ZC3H12B: variants seen among roughly 807,000 people sequenced by gnomAD.
The protein encoded by ZC3H12B is zinc finger CCCH-type containing 12B, also known as probable ribonuclease ZC3H12B.
In ZC3H12B, 7 loss-of-function variants were observed where a neutral mutation model predicts 43.9. The observed-to-expected ratio is 0.16, with a 90% CI of 0.09 to 0.30. ZC3H12B has a LOEUF of 0.30. ZC3H12B is among the 10% of genes least tolerant of loss of function. The probability of loss-of-function intolerance (pLI) is 1.00; values close to 1 mark genes in which losing one functional copy is unlikely to be tolerated. For synonymous variants in ZC3H12B, 222 were observed against 241.7 expected (o/e 0.92, Z 0.76); for missense variants, 475 against 670.2 (o/e 0.71, Z 3.22).
At chrX:65,418,423 C>G (rs1190067285) in intron 3 of ZC3H12B, among the ~76,000 whole-genome samples, 1 of 111,622 alleles carries the variant, frequency 9.0e-6, no homozygotes, top group East Asian at 2.8e-4. Flanking sequence ...TGTCACTACT[C>G]TTCTCTGTAG....
At chrX:65,373,858 C>T (rs1190650656) in intron 2 of ZC3H12B, among the ~76,000 whole-genome samples, 13 of 46,374 alleles carry the variant, frequency 2.8e-4, no homozygotes, top group East Asian at 8.3e-4. Context: ...CAAACCTACG[C>T]GTTCTGCACA....
At chrX:65,226,152 G>T in the ZC3H12B span, among the ~76,000 whole-genome samples, 1 of 112,004 alleles carries the variant, frequency 8.9e-6, no homozygotes, top group Non-Finnish European at 1.9e-5. Context: ...ACAAAGGGAA[G>T]CCCATCAGAC....
chrX:65,226,956 A>C, the ZC3H12B span, among the ~76,000 whole-genome samples: 2 of 111,262 alleles, frequency 1.8e-5, no homozygotes, highest in African/African-American at 6.5e-5. Context: ...CCCCACTCTC[A>C]ACATTACACA....
the ZC3H12B span, chrX:65,186,420 A>C: frequency 1.9e-5 from 2 of 106,299 alleles, no homozygotes; most frequent in African/African-American, 6.9e-5. Flanking sequence ...TGAACCCAGG[A>C]GGCCAGAGTT....
At chrX:65,278,512 T>C in the ZC3H12B span, among the ~76,000 whole-genome samples, 1 of 111,980 alleles carries the variant, frequency 8.9e-6, no homozygotes, top group Non-Finnish European at 1.9e-5. Flanking sequence ...TTTTTATTCC[T>C]TTACTTTTTT....
chrX:65,461,596 A>C (rs1303493033), intron 3 of ZC3H12B, among the ~76,000 whole-genome samples: 2 of 111,867 alleles, frequency 1.8e-5, no homozygotes, highest in Non-Finnish European at 3.8e-5. Context: ...GCAATCTATC[A>C]CAAGGACAAA....
the ZC3H12B span, among the ~76,000 whole-genome samples, chrX:65,052,518 G>GA: frequency 9.1e-6 from 1 of 110,463 alleles, no homozygotes; most frequent in African/African-American, 3.3e-5. Context: ...ACAAATAAGT[G>GA]AAAAAATGTT....
At chrX:65,488,684 A>T (rs1203106549), upstream of ZC3H12B, 4 of 932,255 alleles carry the variant, frequency 4.3e-6, no homozygotes, top group East Asian at 1.4e-4. Context: ...CACACAGTCA[A>T]ACTCTTGCAC....
intron 2 of ZC3H12B, among the ~76,000 whole-genome samples, chrX:65,386,131 CTT>C (rs762011230): frequency 1.8e-4 from 20 of 111,818 alleles, no homozygotes; most frequent in Non-Finnish European, 3.4e-4. Context: ...CTCTGCCAGA[CTT>C]TGGTAATCAG....
At chrX:65,452,283 C>A (rs1484730267) in intron 3 of ZC3H12B, among the ~76,000 whole-genome samples, 1 of 111,244 alleles carries the variant, frequency 9.0e-6, no homozygotes, top group Non-Finnish European at 1.9e-5. Flanking sequence ...CTAGAAAACC[C>A]TAAAGACACC....
chrX:65,194,060 G>C, the ZC3H12B span, among the ~76,000 whole-genome samples: 10,886 of 109,067 alleles, frequency 0.1, 633 homozygotes, highest in Non-Finnish European at 0.16. Flanking sequence ...CACGAGAGCA[G>C]TGGCACGGGG....
chrX:65,361,696 G>A (rs1045035306), upstream of ZC3H12B, among the ~76,000 whole-genome samples: 1 of 109,863 alleles, frequency 9.1e-6, no homozygotes, highest in South Asian at 4.0e-4. Flanking sequence ...CCAGAGGAAG[G>A]CCATCTTACT....
intron 3 of ZC3H12B, among the ~76,000 whole-genome samples, chrX:65,438,694 T>C (rs966577102): frequency 3.9e-4 from 44 of 113,325 alleles, no homozygotes; most frequent in African/African-American, 1.4e-3. Context: ...TGGGCCAAAT[T>C]AATTGCAGCA....
the ZC3H12B span, among the ~76,000 whole-genome samples, chrX:65,162,253 G>T: frequency 9.0e-6 from 1 of 110,892 alleles, no homozygotes; most frequent in Admixed American, 9.7e-5. Context: ...TCTTGGAGTT[G>T]CTCTTCTCGA....
chrX:65,207,557 C>G, the ZC3H12B span, among the ~76,000 whole-genome samples: 1 of 110,481 alleles, frequency 9.1e-6, no homozygotes, highest in Non-Finnish European at 1.9e-5. Flanking sequence ...GTGATGGGTG[C>G]ACCAAAATCT....
chrX:65,193,200 C>A, the ZC3H12B span, among the ~76,000 whole-genome samples: 1 of 108,813 alleles, frequency 9.2e-6, no homozygotes, highest in Admixed American at 9.9e-5. Flanking sequence ...AGTCTTCCTT[C>A]CTCCTCAATT....
intron 2 of ZC3H12B, among the ~76,000 whole-genome samples, chrX:65,389,783 A>G (rs988458375): frequency 3.6e-5 from 4 of 112,304 alleles, no homozygotes; most frequent in Admixed American, 1.9e-4. Context: ...TCCACGCCCA[A>G]TAGGAATGCT....
At chrX:65,361,790 C>A (rs1235462361), upstream of ZC3H12B, among the ~76,000 whole-genome samples, 1 of 110,922 alleles carries the variant, frequency 9.0e-6, no homozygotes, top group Non-Finnish European at 1.9e-5. Context: ...AACCCCACAA[C>A]AGGACTTAAT....
chrX:65,269,117 TG>T, the ZC3H12B span, among the ~76,000 whole-genome samples: 5 of 110,710 alleles, frequency 4.5e-5, no homozygotes, highest in Non-Finnish European at 9.5e-5. Flanking sequence ...GAGGCTGAGG[TG>T]GGTGGATCAC....
Sources: allele counts gnomAD v4.1 joint callset (sites outside exome capture counted in the v4.1 genomes callset), GRCh38; gene constraint gnomAD v4.1.1; transcripts MANE v1.5; gene names NCBI Gene and HGNC (gene_info 2026-07-23, HGNC 2026-07-21).